Variants in SGMS2 observed in about 807,000 individuals in gnomAD.
The protein encoded by SGMS2 is sphingomyelin synthase 2, also known as phosphatidylcholine:ceramide cholinephosphotransferase 2.
SGMS2 carries 21 observed loss-of-function variants against 43.8 expected under a neutral mutation model. That is an observed-to-expected ratio of 0.48 (90% CI 0.34 to 0.69). SGMS2 has a LOEUF of 0.69. Ranked by LOEUF, SGMS2 falls within the 30% of genes least tolerant of loss-of-function variation. SGMS2 has a pLI of 0.01. For synonymous variants in SGMS2, 167 were observed against 160.6 expected, an observed-to-expected ratio of 1.04 and a Z score of -0.30; for missense variants, 384 against 443.2, an observed-to-expected ratio of 0.87 and a Z score of 1.20.
chr4:107,874,958 G>A (rs1378513242), intron 2 of SGMS2, among the ~76,000 whole-genome samples: 2 of 152,134 alleles, frequency 1.3e-5, no homozygotes, highest in Non-Finnish European at 2.9e-5. Context: ...AATCTCTGAA[G>A]CCTATGATTG....
At chr4:107,902,773 A>T (rs1731235090) in intron 4 of SGMS2, among the ~76,000 whole-genome samples, 1 of 152,200 alleles carries the variant, frequency 6.6e-6, no homozygotes, top group African/African-American at 2.4e-5. Context: ...TCAGACATTA[A>T]TGCAGCTATA....
chr4:107,910,690 A>G lies in SGMS2; in HGVS notation c.*137A>G. ...AAATTTTGTGTAAACGATTAGAAAGATGAACAAAGTATTGCCCTTTGACTG... is the reference window on the plus strand; with the variant it reads ...AAATTTTGTGTAAACGATTAGAAAGGTGAACAAAGTATTGCCCTTTGACTG... On this transcript the variant is annotated 3_prime_UTR_variant, in exon 7 of 7. Transcript: ENST00000690982. The G allele has an allele frequency of 1.4e-6, 1 of 738,640 alleles. No individual in the cohort carries two copies. Among genetic ancestry groups the G allele is most frequent in the South Asian group, 1.9e-5 (1 of 51,976 alleles). The allele number at this position is 738,640 out of a possible 1,614,324, so 45.8% of individuals were successfully genotyped here.
chr4:107,885,595 A>G (rs1729686525), intron 2 of SGMS2, among the ~76,000 whole-genome samples: 1 of 152,234 alleles, frequency 6.6e-6, no homozygotes, highest in Non-Finnish European at 1.5e-5. Flanking sequence ...CATAGACACC[A>G]TTGTGCTTCT....
chr4:107,871,429 A>C (rs1728549904), intron 2 of SGMS2, among the ~76,000 whole-genome samples: 1 of 151,994 alleles, frequency 6.6e-6, no homozygotes, highest in Non-Finnish European at 1.5e-5. Context: ...AAAAGTTTTT[A>C]TCTCTCATTG....
chr4:107,904,787 G>A (rs919077254), intron 5 of SGMS2, among the ~76,000 whole-genome samples: 1 of 152,092 alleles, frequency 6.6e-6, no homozygotes, highest in South Asian at 2.1e-4. Context: ...TGAGTTATTG[G>A]TTCTGGGGGG....
At chr4:107,861,919 A>T (rs148501956) in intron 2 of SGMS2, among the ~76,000 whole-genome samples, 1 of 152,356 alleles carries the variant, frequency 6.6e-6, no homozygotes, top group Non-Finnish European at 1.5e-5. Context: ...CCTGTTCATA[A>T]ACATTTAATA....
chr4:107,897,056 AT>A (rs1341996217), intron 3 of SGMS2, among the ~76,000 whole-genome samples: 1 of 152,182 alleles, frequency 6.6e-6, no homozygotes, highest in African/African-American at 2.4e-5. Flanking sequence ...TTTTGGCTGT[AT>A]TGTTTTTTAG....
chr4:107,840,088 C>A (rs1330215906), intron 1 of SGMS2, among the ~76,000 whole-genome samples: 1 of 152,172 alleles, frequency 6.6e-6, no homozygotes, highest in Non-Finnish European at 1.5e-5. Flanking sequence ...TGAAGTATTT[C>A]ATATATCCTG....
In SGMS2 at chr4:107,835,679, G is replaced by C. The variant is rs528987469; in HGVS notation, c.-327+10426G>C. 1.6e-3 allele frequency among the ~76,000 whole-genome samples: 241 copies of C among 152,228 alleles called. 1 individual carries two copies. Among genetic ancestry groups the C allele is most frequent in the African/African-American group, 5.4e-3 (226 of 41,526 alleles). On this transcript the variant is annotated intron_variant, in intron 1 of 6. Transcript: ENST00000690982. ...GTGCCAGTATCTCCATAACAGAATG[G>C]GGATGTCTTGGCTATATAAGTAGCC...
chr4:107,903,107 G>T, intron 4 of SGMS2, 126 bp from the exon 5 acceptor site: 2 of 853,482 alleles, frequency 2.3e-6, no homozygotes, highest in Non-Finnish European at 1.9e-6. Context: ...GATTCTTTTT[G>T]ACTTTCTAGG....
chr4:107,892,110 G>GA (rs34834888), intron 2 of SGMS2, among the ~76,000 whole-genome samples: 338 of 136,168 alleles, frequency 2.5e-3, no homozygotes, highest in South Asian at 8.2e-3. Flanking sequence ...CTAGGAGCAG[G>GA]AAAAAAAAAA....
rs1400889573 is a variant in SGMS2, at chr4:107,899,558, C to T, written c.456-17C>T. The T allele has an allele frequency of 6.4e-7, 1 of 1,573,224 alleles. No homozygotes were observed. On this transcript the variant is annotated splice_polypyrimidine_tract_variant and intron_variant, in intron 3 of 6. Transcript: ENST00000690982. ...ACCAGTAAACTTGTTTTTCCCCATC[C>T]CTATTTTTTCTTTTAGGTCAATAGT...
rs1198283533 is a variant in SGMS2, at chr4:107,903,362, C to T, written c.703C>T (p.Leu235=). The T allele has an allele frequency of 6.2e-7, 1 of 1,613,926 alleles. No homozygotes were observed. ...LFSGHTVTLT[L]TYLFIKEYSP... Reference sequence around the variant, plus strand: ...CAGCGGTCACACGGTTACGCTGACACTGACTTATTTGTTCATCAAAGAATG... The same window carrying T: ...CAGCGGTCACACGGTTACGCTGACATTGACTTATTTGTTCATCAAAGAATG... Residue 235 remains leucine (L), a synonymous_variant, in exon 5 of 7, where the codon CTG becomes TTG. Coordinates refer to ENST00000690982, the MANE Select transcript of SGMS2 (RefSeq NM_001375905.1).
chr4:107,888,334 T>A (rs1053166473), intron 2 of SGMS2, among the ~76,000 whole-genome samples: 18 of 151,578 alleles, frequency 1.2e-4, no homozygotes, highest in South Asian at 6.3e-4. Flanking sequence ...AACCTTAATT[T>A]AAAAAAAAAC....
chr4:107,864,995 G>A (rs1728007546), intron 2 of SGMS2, among the ~76,000 whole-genome samples: 1 of 152,130 alleles, frequency 6.6e-6, no homozygotes, highest in Admixed American at 6.5e-5. Flanking sequence ...GTATCTTTAT[G>A]TTACTTGGTG....
Position 107,895,474 on chromosome 4 carries a change from T to C in SGMS2, c.-80T>C, listed in dbSNP as rs542802930. 4.1e-5 allele frequency: 57 copies of C among 1,387,800 alleles called. 1 individual carries two copies. The South Asian group carries it at 7.1e-4, about 17-fold the overall frequency. 86.0% of individuals were successfully genotyped at this position (1,387,800 alleles called of 1,614,324 possible). ...TAAGAGTCCATGTTGATCTTGGAAA[T>C]AGAAGGATTGAAAAAAGCTAAATTT... On this transcript the variant is annotated 5_prime_UTR_variant, in exon 3 of 7. Transcript: ENST00000690982.
intron 2 of SGMS2, among the ~76,000 whole-genome samples, chr4:107,861,596 T>A (rs1293756102): frequency 2.0e-5 from 3 of 152,244 alleles, no homozygotes; most frequent in Non-Finnish European, 4.4e-5. Context: ...AGGGTACTCT[T>A]TTCTTAAATC....
At chr4:107,895,053 A>G (rs1730551486) in intron 2 of SGMS2, among the ~76,000 whole-genome samples, 1 of 152,174 alleles carries the variant, frequency 6.6e-6, no homozygotes, top group Non-Finnish European at 1.5e-5. Context: ...TTCTTTAAGG[A>G]AATTTAAAGG....
intron 1 of SGMS2, among the ~76,000 whole-genome samples, chr4:107,856,551 T>A (rs1727439958): frequency 6.6e-6 from 1 of 152,216 alleles, no homozygotes; most frequent in Non-Finnish European, 1.5e-5. Flanking sequence ...AGCAACTATC[T>A]GCTTTAATTT....
Sources: allele counts gnomAD v4.1 joint callset (sites outside exome capture counted in the v4.1 genomes callset), GRCh38; gene constraint gnomAD v4.1.1; transcripts MANE v1.5; gene names NCBI Gene and HGNC (gene_info 2026-07-23, HGNC 2026-07-21).